FBXW7: variants seen among roughly 807,000 people sequenced by gnomAD.
The protein encoded by FBXW7 is F-box and WD repeat domain containing 7.
Under a neutral mutation model 86.3 loss-of-function variants are expected in FBXW7, and 11 were observed. That is an observed-to-expected ratio of 0.13 (90% CI 0.08 to 0.21). The LOEUF is 0.21. FBXW7 is among the 10% of genes least tolerant of loss of function. The pLI, the probability that FBXW7 is intolerant of heterozygous loss-of-function variation, is 1.00. For synonymous variants in FBXW7, 313 were observed against 297.9 expected (o/e 1.05, Z -0.52); for missense variants, 488 against 847.4 (o/e 0.58, Z 5.27).
At chr4:152,368,348 T>C (rs369412896) in intron 4 of FBXW7, among the ~76,000 whole-genome samples, 2 of 151,964 alleles carry the variant, frequency 1.3e-5, no homozygotes, top group East Asian at 3.9e-4. Flanking sequence ...AGCTATTAAA[T>C]AGAGGTAGGG....
intron 2 of FBXW7, among the ~76,000 whole-genome samples, chr4:152,477,380 G>C (rs1009357000): frequency 6.6e-6 from 1 of 152,056 alleles, no homozygotes; most frequent in Non-Finnish European, 1.5e-5. Context: ...ATTTTTGTGT[G>C]TTTCCTTCCA....
chr4:152,328,533 TC>T (rs1408281341), intron 10 of FBXW7, 144 bp from the exon 11 acceptor site: 1 of 507,174 alleles, frequency 2.0e-6, no homozygotes, highest in African/African-American at 2.0e-5. Flanking sequence ...TATAAAATGA[TC>T]CCATCACTAT....
intron 2 of FBXW7, among the ~76,000 whole-genome samples, chr4:152,470,133 A>G (rs1743817738): frequency 6.6e-6 from 1 of 152,076 alleles, no homozygotes; most frequent in African/African-American, 2.4e-5. Flanking sequence ...CCATATGCTA[A>G]AACTTTGGTA....
chr4:152,437,884 G>A (rs1319060184), intron 2 of FBXW7, among the ~76,000 whole-genome samples: 1 of 152,170 alleles, frequency 6.6e-6, no homozygotes, highest in Non-Finnish European at 1.5e-5. Context: ...TAGCAATCAA[G>A]TATTTTTTAG....
chr4:152,354,068 T>A (rs1732125941), intron 4 of FBXW7, among the ~76,000 whole-genome samples: 1 of 152,188 alleles, frequency 6.6e-6, no homozygotes, highest in African/African-American at 2.4e-5. Context: ...AGTAGTATCA[T>A]AATTTTAAAA....
intron 4 of FBXW7, among the ~76,000 whole-genome samples, chr4:152,406,110 C>G (rs1383667506): frequency 2.0e-5 from 3 of 152,112 alleles, no homozygotes; most frequent in African/African-American, 7.2e-5. Flanking sequence ...TGGATCAGAT[C>G]ATTATAATAC....
rs754502628 is a variant in FBXW7, at chr4:152,337,951, T to G, written c.727-15A>C. 6.3e-7 allele frequency: 1 copy of G among 1,587,766 alleles called. No individual in the cohort carries two copies. The highest frequency in any genetic ancestry group is 1.9e-5 in the Admixed American group (1 of 52,310). Reference sequence around the variant, plus strand: ...CCACTCCAGCTCTATCAAAGAGAATTAGAAATTTTTATTGTTTTAACAGAT... The same window carrying G: ...CCACTCCAGCTCTATCAAAGAGAATGAGAAATTTTTATTGTTTTAACAGAT... On this transcript the variant is annotated splice_polypyrimidine_tract_variant and intron_variant, in intron 6 of 13. Coordinates refer to ENST00000281708, the MANE Select transcript of FBXW7 (RefSeq NM_001349798.2).
intron 2 of FBXW7, among the ~76,000 whole-genome samples, chr4:152,515,729 G>A (rs1361854794): frequency 1.3e-5 from 2 of 150,320 alleles, no homozygotes; most frequent in East Asian, 3.9e-4. Flanking sequence ...CAGATATTGT[G>A]GCTGGAAGAA....
intron 4 of FBXW7, among the ~76,000 whole-genome samples, chr4:152,358,370 T>C (rs1452000661): frequency 1.3e-5 from 2 of 152,168 alleles, no homozygotes; most frequent in Non-Finnish European, 2.9e-5. Flanking sequence ...TCAAATATAT[T>C]TGCCTGACTT....
intron 4 of FBXW7, among the ~76,000 whole-genome samples, chr4:152,356,774 T>C (rs1228383412): frequency 6.6e-6 from 1 of 152,238 alleles, no homozygotes; most frequent in Non-Finnish European, 1.5e-5. Context: ...CTATTACAGA[T>C]ATCAACTGGA....
rs538486688 is a variant in FBXW7 at position 152,476,948 on chromosome 4, T to A, written c.-120+57993A>T. ...ATTATACACTACTATTCAGATTCTG[T>A]AAGAAGCTGAGGATTCCGCATCTGT... is the stretch of plus-strand genomic sequence containing the variant. On this transcript the variant is annotated intron_variant, in intron 2 of 13. Coordinates refer to ENST00000281708, the MANE Select transcript of FBXW7 (RefSeq NM_001349798.2). Among the ~76,000 whole-genome samples, 4 of 151,870 alleles carry A rather than the reference T, an allele frequency of 2.6e-5. No individual in the cohort carries two copies. In the South Asian group the frequency reaches 8.3e-4, roughly 32 times the overall value.
intron 4 of FBXW7, among the ~76,000 whole-genome samples, chr4:152,377,692 AAGG>A (rs1407525325): frequency 6.6e-6 from 1 of 151,248 alleles, no homozygotes; most frequent in African/African-American, 2.4e-5. Flanking sequence ...TTGAACCTGG[AAGG>A]AGAAGGTTGC....
At chr4:152,353,016 A>G in intron 4 of FBXW7, 4 of 1,219,386 alleles carry the variant, frequency 3.3e-6, no homozygotes, top group Non-Finnish European at 4.1e-6. Flanking sequence ...CCCACACGAC[A>G]GCCCCCTCTC....
intron 2 of FBXW7, among the ~76,000 whole-genome samples, chr4:152,457,203 A>G (rs1430561070): frequency 6.6e-6 from 1 of 152,230 alleles, no homozygotes; most frequent in Non-Finnish European, 1.5e-5. Flanking sequence ...AACAGAAAGC[A>G]AATCAGTGGT....
intron 2 of FBXW7, among the ~76,000 whole-genome samples, chr4:152,527,861 T>TACAC (rs1491575421): frequency 4.2e-5 from 2 of 47,480 alleles, no homozygotes; most frequent in Non-Finnish European, 6.8e-5. Flanking sequence ...ATTTAAAAAT[T>TACAC]ATATACACAC....
rs1388494326 is a variant in FBXW7, at chr4:152,377,945, T to C, written c.502-27821A>G. On this transcript the variant is annotated intron_variant, in intron 4 of 13. Coordinates refer to ENST00000281708, the MANE Select transcript of FBXW7 (RefSeq NM_001349798.2). ...AAAAAGCTATATGCAAAAGAAAATT[T>C]ACTACAGTACTGTTGTAACAGTAAA... 2.0e-5 allele frequency among the ~76,000 whole-genome samples: 3 copies of C among 152,282 alleles called. No individual in the cohort carries two copies. In the East Asian group the frequency reaches 5.8e-4, roughly 29 times the overall value.
chr4:152,428,074 T>C lies in FBXW7; in HGVS notation c.-119-15545A>G, dbSNP rs181852677. Among the ~76,000 whole-genome samples the C allele has an allele frequency of 6.6e-4, 100 of 152,260 alleles. 1 individual carries two copies. The East Asian group carries it at 0.019, about 28-fold the overall frequency. On this transcript the variant is annotated intron_variant, in intron 2 of 13. Transcript: ENST00000281708. ...CCTTTCCCATGGAACCTTGGGTATG[T>C]TTTTGGTTTGGAAGATAATTATTCT...
chr4:152,414,896 T>C (rs1738289551), intron 2 of FBXW7, among the ~76,000 whole-genome samples: 1 of 152,102 alleles, frequency 6.6e-6, no homozygotes, highest in African/African-American at 2.4e-5. Context: ...TCCATGACTT[T>C]CCCCAAGTCC....
At chr4:152,511,466 T>C (rs1250896378) in intron 2 of FBXW7, among the ~76,000 whole-genome samples, 2 of 152,190 alleles carry the variant, frequency 1.3e-5, no homozygotes, top group Non-Finnish European at 2.9e-5. Context: ...CTTAAAAATA[T>C]GGGTAATCAA....
Sources: allele counts gnomAD v4.1 joint callset (sites outside exome capture counted in the v4.1 genomes callset), GRCh38; gene constraint gnomAD v4.1.1; transcripts MANE v1.5; gene names NCBI Gene and HGNC (gene_info 2026-07-23, HGNC 2026-07-21).